The following CPEB3 variants were observed in gnomAD, a reference collection of about 807,000 sequenced individuals.
The protein encoded by CPEB3 is cytoplasmic polyadenylation element-binding protein 3.
In CPEB3, 20 loss-of-function variants were observed where a neutral mutation model predicts 67.2. The observed-to-expected ratio is 0.30, with a 90% CI of 0.21 to 0.43. The LOEUF (loss-of-function observed/expected upper bound fraction) is 0.43, where lower values mean the gene tolerates loss of function less well. Among genes scored for constraint, CPEB3 ranks in the 20% least tolerant of loss-of-function variants. The pLI is 1.00. For synonymous variants in CPEB3, 376 were observed against 393.1 expected, an observed-to-expected ratio of 0.96 and a Z score of 0.51; for missense variants, 746 against 968.6, an observed-to-expected ratio of 0.77 and a Z score of 3.05.
intron 6 of CPEB3, among the ~76,000 whole-genome samples, chr10:92,133,306 A>T (rs1845931481): frequency 1.3e-5 from 2 of 152,150 alleles, no homozygotes; most frequent in Admixed American, 6.5e-5. Flanking sequence ...AGAAGAATCA[A>T]ATAGACGCAA....
At chr10:92,152,859 C>T (rs1355074941) in intron 4 of CPEB3, among the ~76,000 whole-genome samples, 1 of 152,124 alleles carries the variant, frequency 6.6e-6, no homozygotes, top group African/African-American at 2.4e-5. Flanking sequence ...AGAGTGACCA[C>T]TGAACAGTGT....
At chr10:92,192,410 A>G in intron 3 of CPEB3, 67 bp downstream of exon 3, 1 of 1,451,588 alleles carries the variant, frequency 6.9e-7, no homozygotes, top group East Asian at 2.3e-5. Context: ...AGAAAAATCA[A>G]AATTATTAAA....
At chr10:92,260,569 AT>A (rs1450515971) in intron 1 of CPEB3, among the ~76,000 whole-genome samples, 3 of 149,990 alleles carry the variant, frequency 2.0e-5, no homozygotes, top group Admixed American at 6.6e-5. Flanking sequence ...AAAAAAAAAA[AT>A]CATTTGTCTT....
chr10:92,158,016 G>A (rs1416584577), intron 4 of CPEB3, among the ~76,000 whole-genome samples: 1 of 150,958 alleles, frequency 6.6e-6, no homozygotes, highest in Non-Finnish European at 1.5e-5. Context: ...AATTTGGCAA[G>A]CAAAAGATCT....
intron 7 of CPEB3, among the ~76,000 whole-genome samples, chr10:92,102,808 G>A (rs949349238): frequency 2.6e-5 from 4 of 152,226 alleles, no homozygotes; most frequent in African/African-American, 9.6e-5. Flanking sequence ...CGCTCTCCCC[G>A]TCACAACTAC....
At chr10:92,163,090 C>G (rs2133964263) in intron 4 of CPEB3, among the ~76,000 whole-genome samples, 1 of 152,234 alleles carries the variant, frequency 6.6e-6, no homozygotes, top group African/African-American at 2.4e-5. Context: ...GAATGTGTAA[C>G]ATGTATCCAC....
At chr10:92,285,316 G>C (rs953630126) in intron 1 of CPEB3, among the ~76,000 whole-genome samples, 1 of 152,138 alleles carries the variant, frequency 6.6e-6, no homozygotes, top group African/African-American at 2.4e-5. Context: ...GGTTGCCCAG[G>C]CTGGAGTGTA....
At chr10:92,065,345 C>T (rs2797646) in intron 9 of CPEB3, among the ~76,000 whole-genome samples, 150,321 of 152,308 alleles carry the variant, frequency 0.99, 74,212 homozygotes, top group Middle Eastern at 1. Flanking sequence ...ATCAGCCGCC[C>T]GAGTAGCTGG....
intron 6 of CPEB3, among the ~76,000 whole-genome samples, chr10:92,142,028 A>C (rs1041093065): frequency 6.7e-6 from 1 of 150,086 alleles, no homozygotes; most frequent in South Asian, 2.1e-4. Flanking sequence ...AAAAAAAAAA[A>C]CAAATAAAAA....
chr10:92,124,652 G>A (rs890156472), intron 6 of CPEB3, among the ~76,000 whole-genome samples: 4 of 151,734 alleles, frequency 2.6e-5, no homozygotes, highest in Admixed American at 6.6e-5. Flanking sequence ...AAAAGATGAC[G>A]AACTGCAAAA....
chr10:92,120,020 T>C (rs11186836), intron 6 of CPEB3, among the ~76,000 whole-genome samples: 55,300 of 139,530 alleles, frequency 0.4, 11,222 homozygotes, highest in African/African-American at 0.54. Context: ...TTTGGGAGGC[T>C]GAGGCGGGCG....
intron 1 of CPEB3, among the ~76,000 whole-genome samples, chr10:92,247,593 C>T (rs1297741984): frequency 6.6e-6 from 1 of 152,064 alleles, no homozygotes; most frequent in African/African-American, 2.4e-5. Context: ...GATGGGGTTT[C>T]TCCGTGTTGG....
chr10:92,269,546 G>C (rs1009334821), intron 1 of CPEB3, among the ~76,000 whole-genome samples: 1 of 152,072 alleles, frequency 6.6e-6, no homozygotes, highest in Non-Finnish European at 1.5e-5. Flanking sequence ...TGACCCAGCT[G>C]ATGATTAAAC....
chr10:92,130,762 C>A (rs1262721943), intron 6 of CPEB3, among the ~76,000 whole-genome samples: 1 of 151,690 alleles, frequency 6.6e-6, no homozygotes, highest in Non-Finnish European at 1.5e-5. Context: ...TTCAAATCTG[C>A]ACCAAGGTAA....
At chr10:92,242,140 A>T (rs1427732978) in intron 1 of CPEB3, among the ~76,000 whole-genome samples, 1 of 152,240 alleles carries the variant, frequency 6.6e-6, no homozygotes, top group Non-Finnish European at 1.5e-5. Flanking sequence ...GTTCATTAGT[A>T]TCTTTTATTT....
chr10:92,186,768 A>C (rs972208653), intron 3 of CPEB3, among the ~76,000 whole-genome samples: 1 of 152,190 alleles, frequency 6.6e-6, no homozygotes, highest in African/African-American at 2.4e-5. Flanking sequence ...TGCTATGCTT[A>C]AAGGATGATT....
intron 2 of CPEB3, among the ~76,000 whole-genome samples, chr10:92,232,538 C>CACAA (rs1851320371): frequency 6.6e-6 from 1 of 151,698 alleles, no homozygotes; most frequent in South Asian, 2.1e-4. Context: ...GCAGGTGGAT[C>CACAA]ACAAGGTCAG....
intron 2 of CPEB3, among the ~76,000 whole-genome samples, chr10:92,233,955 A>C (rs1031823509): frequency 2.0e-5 from 3 of 152,066 alleles, no homozygotes; most frequent in African/African-American, 7.2e-5. Flanking sequence ...AAAAATACAA[A>C]AATCAGCCAG....
chr10:92,199,820 G>A (rs1849429550), intron 2 of CPEB3, among the ~76,000 whole-genome samples: 1 of 151,792 alleles, frequency 6.6e-6, no homozygotes, highest in African/African-American at 2.4e-5. Context: ...CAGTTTAAGA[G>A]CAATGAAAAT....
Sources: gnomAD v4.1 joint callset for allele counts (sites outside exome capture counted in the v4.1 genomes callset) on GRCh38, gnomAD v4.1.1 for gene constraint, MANE v1.5 for transcripts, NCBI Gene and HGNC (gene_info 2026-07-23, HGNC 2026-07-21) for gene names.